Variants in ZNF613 observed in about 807,000 individuals in gnomAD.
ZNF613 encodes zinc finger protein 613.
Under a neutral mutation model 14.3 loss-of-function variants are expected in ZNF613, and 8 were observed. The observed-to-expected ratio is 0.56, with a 90% CI of 0.33 to 1.01. The LOEUF (loss-of-function observed/expected upper bound fraction) is 1.01, where lower values mean the gene tolerates loss of function less well. Ranked by LOEUF, ZNF613 falls within the 50% of genes least tolerant of loss-of-function variation. The pLI is 0.03. For missense variants in ZNF613, 656 were observed against 741.9 expected, an observed-to-expected ratio of 0.88 and a Z score of 1.35; for synonymous variants, 228 against 254.5, an observed-to-expected ratio of 0.90 and a Z score of 0.99.
At chr19:51,928,057 CTA>C in intron 1 of ZNF613, 1 of 99,332 alleles carries the variant, frequency 1.0e-5, no homozygotes, top group African/African-American at 3.7e-5. Context: ...TCTAATCTAT[CTA>C]TCTATCTATC....
intron 2 of ZNF613, among the ~76,000 whole-genome samples, chr19:51,931,254 C>T (rs566753344): frequency 2.0e-4 from 31 of 152,242 alleles, no homozygotes; most frequent in African/African-American, 7.2e-4. Context: ...AGTAATATCT[C>T]AAATGGAAGT....
At chr19:51,939,665 G>C (rs1434937456) in intron 3 of ZNF613, among the ~76,000 whole-genome samples, 1 of 152,108 alleles carries the variant, frequency 6.6e-6, no homozygotes, top group Non-Finnish European at 1.5e-5. Flanking sequence ...ACATTTAGCA[G>C]TAGGGGGTAA....
intron 2 of ZNF613, among the ~76,000 whole-genome samples, chr19:51,932,369 G>T (rs1217432059): frequency 3.4e-5 from 5 of 146,232 alleles, no homozygotes; most frequent in African/African-American, 1.0e-4. Flanking sequence ...GAGTGCAATG[G>T]CTTGATCTCA....
intron 2 of ZNF613, among the ~76,000 whole-genome samples, chr19:51,935,161 TA>T (rs35322745): frequency 2.0e-5 from 3 of 152,174 alleles, no homozygotes; most frequent in South Asian, 4.2e-4. Flanking sequence ...GAATTGGGCA[TA>T]AAAAAAGCCT....
intron 1 of ZNF613, chr19:51,928,059 ATCT>A (rs1447160525): frequency 2.3e-5 from 2 of 85,794 alleles, no homozygotes; most frequent in African/African-American, 1.0e-4. Context: ...TAATCTATCT[ATCT>A]ATCTATCTAT....
At position 51,933,306 on chromosome 19, in the gene ZNF613, C is replaced by T. The variant is rs112750941; in HGVS notation, c.-193-2722C>T. 6.2e-3 allele frequency among the ~76,000 whole-genome samples: 946 copies of T among 152,338 alleles called. 8 individuals are homozygous for T. Among genetic ancestry groups the T allele is most frequent in the African/African-American group, 0.021 (854 of 41,582 alleles). The stretch of plus-strand genomic sequence containing the variant: ...GTGACTCAAGTGTAATCTTTTGCCC[C>T]AGGCAGCTGAAGGTTGTTGTTCTGC... On this transcript the variant is annotated intron_variant, in intron 2 of 5. Transcript: ENST00000293471.
intron 2 of ZNF613, among the ~76,000 whole-genome samples, chr19:51,931,031 A>T (rs1214948449): frequency 6.6e-6 from 1 of 152,160 alleles, no homozygotes; most frequent in Non-Finnish European, 1.5e-5. Flanking sequence ...GCCATTTTTC[A>T]TGTACTTATG....
intron 2 of ZNF613, among the ~76,000 whole-genome samples, chr19:51,932,803 A>G (rs1324664186): frequency 6.8e-6 from 1 of 147,356 alleles, no homozygotes; most frequent in African/African-American, 2.5e-5. Flanking sequence ...AGCCACCCTA[A>G]CAGCTGGGAT....
At chr19:51,943,697 T>C (rs1218939608) in intron 5 of ZNF613, among the ~76,000 whole-genome samples, 1 of 152,216 alleles carries the variant, frequency 6.6e-6, no homozygotes, top group Non-Finnish European at 1.5e-5. Flanking sequence ...TAGGGTTAAG[T>C]ATGATTCAGA....
At position 51,944,186 on chromosome 19, in the gene ZNF613, A is replaced by T. The variant is rs1476603061; in HGVS notation, c.303A>T (p.Glu101Asp). The T allele has an allele frequency of 6.3e-7, 1 of 1,595,972 alleles. No homozygotes were observed. The highest frequency in any genetic ancestry group is 1.7e-5 in the Admixed American group (1 of 57,378). Residue 101 changes from glutamate (E) to aspartate (D), a missense_variant, in exon 6 of 6, where the codon GAA becomes GAT. Glu to Asp is a conservative substitution (Grantham distance 45). Transcript: ENST00000293471. ...SQKQRCLKRV[E>D]QCHKHNAFGN... ...AGCAAAGATGTCTGAAGAGAGTGGA[A>T]CAATGCCATAAACATAATGCATTTG... is the stretch of plus-strand genomic sequence containing the variant.
rs200089172 is a variant in ZNF613, at chr19:51,944,542, T to A, written c.659T>A (p.Ile220Asn). Residue 220 changes from isoleucine to asparagine, a missense_variant, in exon 6 of 6, where the codon ATC (isoleucine) becomes AAC (asparagine). Ile to Asn is a moderately radical substitution (Grantham distance 149). Coordinates refer to ENST00000293471, the MANE Select transcript of ZNF613 (RefSeq NM_001031721.4). ...GKAFLKKSRL[I>N]YHQRVHTGEK... is the part of the protein sequence containing the mutation. ...GCTTTCCTCAAGAAGTCTCGCCTCA[T>A]CTATCATCAGAGAGTTCACACTGGG... 1 of 1,613,934 alleles carries A rather than the reference T, an allele frequency of 6.2e-7. No homozygotes were observed. The highest frequency in any genetic ancestry group is 8.5e-7 in the Non-Finnish European group (1 of 1,179,896).
intron 3 of ZNF613, among the ~76,000 whole-genome samples, chr19:51,938,098 T>C (rs2085318954): frequency 6.6e-6 from 1 of 152,076 alleles, no homozygotes; most frequent in South Asian, 2.1e-4. Context: ...GAGACCTTTT[T>C]GGGAAGAGGC....
Position 51,940,284 on chromosome 19 carries a change from G to A in ZNF613, c.91G>A (p.Asp31Asn). 6.2e-7 allele frequency: 1 copy of A among 1,613,790 alleles called. No homozygotes were observed. The highest frequency in any genetic ancestry group is 8.5e-7 in the Non-Finnish European group (1 of 1,179,824). The change falls in exon 4 of 6, where the codon GAC becomes AAC. Residue 31 changes from aspartate (D) to asparagine (N), a missense_variant. By Grantham distance (23) the Asp-to-Asn change is conservative. Coordinates refer to ENST00000293471, the MANE Select transcript of ZNF613 (RefSeq NM_001031721.4). ...EWQLLGPAQK[D>N]LYRDVMLENY... The stretch of plus-strand genomic sequence containing the variant: ...GCAGCTCCTCGGCCCTGCTCAGAAG[G>A]ACCTGTACCGAGACGTGATGTTGGA...
At chr19:51,937,148 A>G (rs2085310963) in intron 3 of ZNF613, among the ~76,000 whole-genome samples, 1 of 152,210 alleles carries the variant, frequency 6.6e-6, no homozygotes, top group Admixed American at 6.5e-5. Flanking sequence ...TAAATAAACC[A>G]GTAATAGTAA....
At chr19:51,931,801 G>A (rs531327950) in intron 2 of ZNF613, among the ~76,000 whole-genome samples, 8 of 152,262 alleles carry the variant, frequency 5.3e-5, no homozygotes, top group Non-Finnish European at 7.3e-5. Context: ...TGTGCTTTCC[G>A]TCTCTTTTTG....
chr19:51,940,829 T>A, intron 5 of ZNF613, 120 bp downstream of exon 5: 1 of 565,902 alleles, frequency 1.8e-6, no homozygotes, highest in Non-Finnish European at 2.9e-6. Context: ...CATGTATCCC[T>A]CTCCCCACAC....
Position 51,945,618 on chromosome 19 carries a change from G to T in ZNF613, c.1735G>T (p.Val579Leu). 6.2e-7 allele frequency: 1 copy of T among 1,614,168 alleles called. No individual in the cohort carries two copies. Among genetic ancestry groups the T allele is most frequent in the African/African-American group, 1.3e-5 (1 of 75,044 alleles). The change falls in exon 6 of 6, where the codon GTG (valine) becomes TTG (leucine). Residue 579 changes from valine (V) to leucine (L), a missense_variant. Coordinates refer to ENST00000293471, the MANE Select transcript of ZNF613 (RefSeq NM_001031721.4). ...VNMVTLQMPS[V>L]AAQTSLTNSA... ...CATGGTGACTCTGCAGATGCCTTCT[G>T]TGGCAGCTCAGACCTCATTAACTAA... is the stretch of plus-strand genomic sequence containing the variant.
Position 51,946,314 on chromosome 19 carries a change from A to G in ZNF613, c.*577A>G, listed in dbSNP as rs1219239906. 1 of 153,798 alleles carries G rather than the reference A, an allele frequency of 6.5e-6. No individual in the cohort carries two copies. Among genetic ancestry groups the G allele is most frequent in the Non-Finnish European group, 1.4e-5 (1 of 69,152 alleles). The allele number at this position is 153,798 out of a possible 1,614,324, so 9.5% of individuals were successfully genotyped here. ...TGTATTTTAGGACAATATACCTTGA[A>G]TCACTAGTTGATATGTCAATGACTA... On this transcript the variant is annotated 3_prime_UTR_variant, in exon 6 of 6. Transcript: ENST00000293471.
At chr19:51,934,563 G>A (rs768286494) in intron 2 of ZNF613, among the ~76,000 whole-genome samples, 40 of 152,170 alleles carry the variant, frequency 2.6e-4, no homozygotes, top group South Asian at 1.2e-3. Flanking sequence ...TTCATATGAT[G>A]ATGATTTGTG....
Sources: allele counts gnomAD v4.1 joint callset (sites outside exome capture counted in the v4.1 genomes callset), GRCh38; gene constraint gnomAD v4.1.1; transcripts MANE v1.5; gene names NCBI Gene and HGNC (gene_info 2026-07-23, HGNC 2026-07-21).